PFKP: variants seen among roughly 807,000 people sequenced by gnomAD.
PFKP encodes the protein ATP-dependent 6-phosphofructokinase, platelet type.
Under a neutral mutation model 94.3 loss-of-function variants are expected in PFKP, and 101 were observed. The ratio of observed to expected loss-of-function variants is 1.07; its 90% CI spans 0.91 to 1.26. The LOEUF (loss-of-function observed/expected upper bound fraction) is 1.26, where lower values mean the gene tolerates loss of function less well. Ranked by LOEUF, PFKP falls within the 50% of genes most tolerant of loss-of-function variation. The pLI is 0.00. For missense variants in PFKP, 1,145 were observed against 1,103.3 expected (o/e 1.04, Z -0.53); for synonymous variants, 573 against 432.6 (o/e 1.32, Z -4.03).
At chr10:3,116,451 A>ACTTTTTT (rs1274557936) in intron 13 of PFKP, among the ~76,000 whole-genome samples, 1 of 152,236 alleles carries the variant, frequency 6.6e-6, no homozygotes, top group East Asian at 1.9e-4. Flanking sequence ...TTACCAACTT[A>ACTTTTTT]GAAACCATCA....
At chr10:3,116,526 A>G (rs1717501946) in intron 13 of PFKP, among the ~76,000 whole-genome samples, 2 of 152,356 alleles carry the variant, frequency 1.3e-5, no homozygotes, top group South Asian at 4.1e-4. Context: ...CACGTGGCTC[A>G]GGATGAGACA....
At chr10:3,130,367 G>A (rs4881101) in intron 17 of PFKP, among the ~76,000 whole-genome samples, 34,588 of 152,142 alleles carry the variant, frequency 0.23, 4,843 homozygotes, top group Non-Finnish European at 0.32. Flanking sequence ...CCCTGATGCT[G>A]CGTCTGCCTC....
rs1186822664 is a variant in PFKP, at chr10:3,105,462, G to A, written c.735G>A (p.Glu245=). The change falls in exon 7 of 22, where the codon GAG becomes GAA. Residue 245 remains glutamate (E), a synonymous_variant. Transcript: ENST00000381125. ...TGTTCCTTCCAGAATCTCCACCAGA[G>A]GAAGGCTGGGAGGAGCAGATGTGTG... ...DWVFLPESPP[E]EGWEEQMCVK... 1 of 1,614,050 alleles carries A rather than the reference G, an allele frequency of 6.2e-7. No individual in the cohort carries two copies. Among genetic ancestry groups the A allele is most frequent in the Non-Finnish European group, 8.5e-7 (1 of 1,179,950 alleles).
intron 16 of PFKP, among the ~76,000 whole-genome samples, chr10:3,126,444 C>T (rs7900171): frequency 0.14 from 21,190 of 152,260 alleles, 1,508 homozygotes; most frequent in African/African-American, 0.16. Flanking sequence ...TCTCCTTTAG[C>T]ACCTTGTAGA....
chr10:3,104,810 A>G, intron 5 of PFKP: 1 of 468,338 alleles, frequency 2.1e-6, no homozygotes, highest in East Asian at 4.2e-5. Context: ...AGAGCCCAGC[A>G]CGGGGCCGGG....
At chr10:3,103,238 TC>T (rs1416092472) in intron 4 of PFKP, among the ~76,000 whole-genome samples, 1 of 152,244 alleles carries the variant, frequency 6.6e-6, no homozygotes, top group Non-Finnish European at 1.5e-5. Context: ...ATTTTTCTAA[TC>T]CACTGCTCTT....
At chr10:3,093,239 C>T (rs1239153866) in intron 2 of PFKP, among the ~76,000 whole-genome samples, 4 of 151,812 alleles carry the variant, frequency 2.6e-5, no homozygotes, top group Non-Finnish European at 5.9e-5. Context: ...CCCTGACTGT[C>T]ACCCCCACCT....
At chr10:3,117,794 G>A (rs367773387) in intron 14 of PFKP, among the ~76,000 whole-genome samples, 8 of 152,316 alleles carry the variant, frequency 5.3e-5, no homozygotes, top group South Asian at 2.1e-4. Context: ...CGTTGCTCTC[G>A]AACGTAGAGA....
At chr10:3,077,953 C>A (rs1025427804) in intron 1 of PFKP, among the ~76,000 whole-genome samples, 1 of 152,182 alleles carries the variant, frequency 6.6e-6, no homozygotes, top group Admixed American at 6.5e-5. Context: ...AATTACGAAG[C>A]GGTGTTTTTC....
intron 5 of PFKP, 102 bp downstream of exon 5, chr10:3,104,046 T>C: frequency 9.4e-7 from 1 of 1,061,072 alleles, no homozygotes; most frequent in Non-Finnish European, 1.3e-6. Flanking sequence ...TTGGGTGTCC[T>C]GGTGCTGGTC....
At chr10:3,128,447 C>G (rs573109424) in intron 16 of PFKP, among the ~76,000 whole-genome samples, 1 of 152,176 alleles carries the variant, frequency 6.6e-6, no homozygotes, top group African/African-American at 2.4e-5. Context: ...GAAGGTGCCT[C>G]TGTGTGTCCC....
At position 3,088,706 on chromosome 10, in the gene PFKP, T is replaced by A. The variant is rs183785135; in HGVS notation, c.186+6245T>A. ...ATTTATGGGGTACATGTGATTTTTT[T>A]AAAATTTATTTTATTGAAGTAAAAT... On this transcript the variant is annotated intron_variant, in intron 2 of 21. Transcript: ENST00000381125. Among the ~76,000 whole-genome samples the A allele has an allele frequency of 3.6e-3, 552 of 152,332 alleles. 1 individual carries two copies. Among genetic ancestry groups the A allele is most frequent in the African/African-American group, 0.013 (521 of 41,548 alleles).
At chr10:3,130,612 T>G (rs1173805910) in intron 17 of PFKP, among the ~76,000 whole-genome samples, 1 of 152,180 alleles carries the variant, frequency 6.6e-6, no homozygotes, top group East Asian at 1.9e-4. Flanking sequence ...CAGGCTGGAG[T>G]GCAGTGGCGT....
At chr10:3,070,982 C>T (rs149370982) in intron 1 of PFKP, among the ~76,000 whole-genome samples, 1,576 of 152,140 alleles carry the variant, frequency 0.01, 30 homozygotes, top group African/African-American at 0.036. Flanking sequence ...TCCTGGCCTC[C>T]TGTAGTGATC....
intron 13 of PFKP, among the ~76,000 whole-genome samples, chr10:3,114,508 C>T (rs890766045): frequency 6.6e-6 from 1 of 152,234 alleles, no homozygotes; most frequent in Admixed American, 6.5e-5. Context: ...GCAGACACAA[C>T]TCTCTGGTTC....
chr10:3,120,104 C>A, intron 16 of PFKP, 60 bp downstream of exon 16: 8 of 1,421,790 alleles, frequency 5.6e-6, no homozygotes, highest in Non-Finnish European at 7.9e-6. Flanking sequence ...GGGGCCCCGG[C>A]CCTTTTTATC....
intron 14 of PFKP, among the ~76,000 whole-genome samples, chr10:3,118,303 C>T (rs542936787): frequency 1.8e-4 from 27 of 152,160 alleles, no homozygotes; most frequent in Middle Eastern, 6.8e-3. Flanking sequence ...CCTGTCTCTA[C>T]TAAAAATGCA....
At chr10:3,076,289 G>A (rs1832584936) in intron 1 of PFKP, among the ~76,000 whole-genome samples, 1 of 152,106 alleles carries the variant, frequency 6.6e-6, no homozygotes, top group South Asian at 2.1e-4. Context: ...CCCCATGTGG[G>A]TGTTTTTGCG....
At position 3,104,045 on chromosome 10, in the gene PFKP, C is replaced by A. The variant is rs566772914; in HGVS notation, c.620+101C>A. ...TAGAACATTCTGCAGATTGGGTGTCCTGGTGCTGGTCTCGTAACTTGACTT... is the reference window on the plus strand; with the variant it reads ...TAGAACATTCTGCAGATTGGGTGTCATGGTGCTGGTCTCGTAACTTGACTT... On this transcript the variant is annotated intron_variant, in intron 5 of 21. Transcript: ENST00000381125. 3.5e-5 allele frequency: 37 copies of A among 1,058,346 alleles called. No individual in the cohort carries two copies. The South Asian group carries it at 5.5e-4, about 16-fold the overall frequency. 65.6% of individuals were successfully genotyped at this position (1,058,346 alleles called of 1,614,324 possible).
Sources: allele counts gnomAD v4.1 joint callset (sites outside exome capture counted in the v4.1 genomes callset), GRCh38; gene constraint gnomAD v4.1.1; transcripts MANE v1.5; gene names NCBI Gene and HGNC (gene_info 2026-07-23, HGNC 2026-07-21).